The following SLC71A2 variants were observed in gnomAD, a reference collection of about 807,000 sequenced individuals.
SLC71A2 encodes the protein solute carrier family 71 member 2, also known as hippocampus abundant transcript-like 1.
the SLC71A2 span, among the ~76,000 whole-genome samples, chr9:94,435,859 C>T: frequency 1.3e-5 from 2 of 151,962 alleles, no homozygotes; most frequent in Non-Finnish European, 2.9e-5. Context: ...TCACCATGGC[C>T]AGGCTGGTCT....
the SLC71A2 span, among the ~76,000 whole-genome samples, chr9:94,451,683 A>T: frequency 6.6e-6 from 1 of 152,336 alleles, no homozygotes; most frequent in Admixed American, 6.5e-5. Flanking sequence ...AAGCTATAGT[A>T]TAATATCAGA....
At chr9:94,410,921 A>C in the SLC71A2 span, among the ~76,000 whole-genome samples, 797 of 152,270 alleles carry the variant, frequency 5.2e-3, 3 homozygotes, top group Non-Finnish European at 8.9e-3. Context: ...ACTTGCCATC[A>C]CGCCTGGCCA....
chr9:94,445,947 CA>C, the SLC71A2 span, among the ~76,000 whole-genome samples: 1 of 152,162 alleles, frequency 6.6e-6, no homozygotes, highest in Non-Finnish European at 1.5e-5. Flanking sequence ...TGTCAGACAC[CA>C]AAAGAAATAT....
chr9:94,455,565 G>T, the SLC71A2 span, among the ~76,000 whole-genome samples: 3 of 151,810 alleles, frequency 2.0e-5, no homozygotes, highest in South Asian at 2.1e-4. Flanking sequence ...TGTTCTTTTT[G>T]ATTTTGCTCC....
At chr9:94,433,784 T>C in the SLC71A2 span, among the ~76,000 whole-genome samples, 1 of 152,242 alleles carries the variant, frequency 6.6e-6, no homozygotes, top group South Asian at 2.1e-4. Flanking sequence ...TAAAAATACA[T>C]TTATTACTTA....
At chr9:94,410,790 G>T in the SLC71A2 span, among the ~76,000 whole-genome samples, 1 of 152,158 alleles carries the variant, frequency 6.6e-6, no homozygotes, top group African/African-American at 2.4e-5. Context: ...ATTTGAGATG[G>T]AGTCTCACTC....
chr9:94,415,306 T>C, the SLC71A2 span: 6 of 1,274,814 alleles, frequency 4.7e-6, no homozygotes, highest in African/African-American at 8.8e-5. Flanking sequence ...GATAAGTTCT[T>C]AGGCACGTAT....
the SLC71A2 span, among the ~76,000 whole-genome samples, chr9:94,456,661 T>C: frequency 2.0e-5 from 3 of 152,192 alleles, no homozygotes; most frequent in African/African-American, 7.2e-5. Context: ...TTTTAACAGA[T>C]GTCTATTAAA....
At chr9:94,427,455 A>G in the SLC71A2 span, among the ~76,000 whole-genome samples, 1 of 151,462 alleles carries the variant, frequency 6.6e-6, no homozygotes, top group East Asian at 1.9e-4. Flanking sequence ...GTATTTTGTC[A>G]TTCATCCATA....
chr9:94,395,293 AAGTAC>A, the SLC71A2 span, among the ~76,000 whole-genome samples: 1 of 152,154 alleles, frequency 6.6e-6, no homozygotes, highest in East Asian at 1.9e-4. Context: ...TGCTGTTTAG[AAGTAC>A]AGTAGAGTCA....
the SLC71A2 span, among the ~76,000 whole-genome samples, chr9:94,398,162 C>A: frequency 6.6e-6 from 1 of 151,324 alleles, no homozygotes; most frequent in Non-Finnish European, 1.5e-5. Flanking sequence ...GCTTTATTTT[C>A]TTGTTCAAAT....
chr9:94,374,708 C>G, the SLC71A2 span: 1 of 157,672 alleles, frequency 6.3e-6, no homozygotes, highest in Non-Finnish European at 1.4e-5. Context: ...CGCCGCCTGA[C>G]CCGCAGGCCG....
At chr9:94,406,606 C>T in the SLC71A2 span, among the ~76,000 whole-genome samples, 1 of 152,178 alleles carries the variant, frequency 6.6e-6, no homozygotes, top group Non-Finnish European at 1.5e-5. Context: ...TTCCTGAGCT[C>T]ATGCTGTCTT....
the SLC71A2 span, among the ~76,000 whole-genome samples, chr9:94,385,859 C>G: frequency 6.6e-6 from 1 of 151,904 alleles, no homozygotes; most frequent in African/African-American, 2.4e-5. Flanking sequence ...TTGAGGTGAT[C>G]CTGAATTCTG....
the SLC71A2 span, among the ~76,000 whole-genome samples, chr9:94,451,955 C>T: frequency 2.0e-5 from 3 of 152,264 alleles, no homozygotes; most frequent in Non-Finnish European, 4.4e-5. Context: ...AGTGGTTCCC[C>T]ATCCCAGGCC....
At chr9:94,410,911 A>G in the SLC71A2 span, among the ~76,000 whole-genome samples, 12 of 152,284 alleles carry the variant, frequency 7.9e-5, no homozygotes, top group African/African-American at 2.6e-4. Flanking sequence ...GATTACAGGC[A>G]CTTGCCATCA....
At chr9:94,456,860 C>T in the SLC71A2 span, among the ~76,000 whole-genome samples, 1 of 152,158 alleles carries the variant, frequency 6.6e-6, no homozygotes, top group African/African-American at 2.4e-5. Flanking sequence ...AAATAGCATT[C>T]TACCATCTAG....
At chr9:94,421,178 T>C in the SLC71A2 span, among the ~76,000 whole-genome samples, 1 of 150,310 alleles carries the variant, frequency 6.7e-6, no homozygotes, top group Non-Finnish European at 1.5e-5. Context: ...AATGATATAT[T>C]TTCCTAAAGT....
the SLC71A2 span, among the ~76,000 whole-genome samples, chr9:94,438,977 A>G: frequency 0.031 from 4,688 of 151,198 alleles, 90 homozygotes; most frequent in South Asian, 0.049. Flanking sequence ...ATATACCATA[A>G]TAAGGCTGAT....
Sources: allele counts gnomAD v4.1 joint callset (sites outside exome capture counted in the v4.1 genomes callset), GRCh38; gene constraint gnomAD v4.1.1; transcripts MANE v1.5; gene names NCBI Gene and HGNC (gene_info 2026-07-23, HGNC 2026-07-21).